PLPPR1: variants seen among roughly 807,000 people sequenced by gnomAD.
PLPPR1 encodes phospholipid phosphatase related 1.
Under a neutral mutation model 33.1 loss-of-function variants are expected in PLPPR1, and 10 were observed. The observed-to-expected ratio is 0.30, with a 90% CI of 0.19 to 0.51. The LOEUF is 0.51. Ranked by LOEUF, PLPPR1 falls within the 20% of genes least tolerant of loss-of-function variation. The pLI, the probability that PLPPR1 is intolerant of heterozygous loss-of-function variation, is 0.97. For synonymous variants in PLPPR1, 151 were observed against 151.0 expected, an observed-to-expected ratio of 1.00 and a Z score of 0.00; for missense variants, 304 against 408.1, an observed-to-expected ratio of 0.74 and a Z score of 2.20.
At chr9:101,268,617 A>G (rs1268283758) in intron 2 of PLPPR1, among the ~76,000 whole-genome samples, 1 of 152,172 alleles carries the variant, frequency 6.6e-6, no homozygotes, top group African/African-American at 2.4e-5. Context: ...TGGCTTTCAC[A>G]CTAACCAGCT....
Position 101,304,174 on chromosome 9 carries a change from C to T in PLPPR1, c.386-5037C>T, listed in dbSNP as rs1588119169. Reference sequence around the variant, plus strand: ...TCTAGTTGCCTAGCACTATGCCCGACTTTGTGAATTTTATAAAAAGGAGAT... The same window carrying T: ...TCTAGTTGCCTAGCACTATGCCCGATTTTGTGAATTTTATAAAAAGGAGAT... On this transcript the variant is annotated intron_variant, in intron 4 of 7. Coordinates refer to ENST00000374874, the MANE Select transcript of PLPPR1 (RefSeq NM_207299.2). Among the ~76,000 whole-genome samples the T allele has an allele frequency of 2.0e-5, 3 of 152,282 alleles. No homozygotes were observed. In the Middle Eastern group the frequency reaches 0.01, roughly 518 times the overall value.
chr9:101,176,932 T>C (rs572821021), intron 1 of PLPPR1, among the ~76,000 whole-genome samples: 1 of 152,302 alleles, frequency 6.6e-6, no homozygotes, highest in Non-Finnish European at 1.5e-5. Flanking sequence ...AGAACAGCCA[T>C]CATGCAAATG....
chr9:101,159,459 T>G (rs532474803), intron 1 of PLPPR1, among the ~76,000 whole-genome samples: 1 of 152,218 alleles, frequency 6.6e-6, no homozygotes, highest in African/African-American at 2.4e-5. Flanking sequence ...TTAATCTACT[T>G]ACTAAATATC....
At chr9:101,081,914 C>T (rs1830624009) in intron 1 of PLPPR1, among the ~76,000 whole-genome samples, 1 of 152,192 alleles carries the variant, frequency 6.6e-6, no homozygotes, top group South Asian at 2.1e-4. Context: ...TAAGGCACAA[C>T]AATTGGTGCA....
At chr9:101,040,512 G>C (rs1461964607) in intron 1 of PLPPR1, among the ~76,000 whole-genome samples, 1 of 152,134 alleles carries the variant, frequency 6.6e-6, no homozygotes, top group African/African-American at 2.4e-5. Context: ...AGGATCCTGA[G>C]AGTTGTTCAT....
chr9:101,104,572 G>C (rs2118560171), intron 1 of PLPPR1, among the ~76,000 whole-genome samples: 1 of 133,812 alleles, frequency 7.5e-6, no homozygotes, highest in African/African-American at 3.0e-5. Context: ...GAGGATTTTT[G>C]CATCAATGTT....
chr9:101,284,773 C>G (rs1404665492), intron 3 of PLPPR1, among the ~76,000 whole-genome samples: 1 of 152,068 alleles, frequency 6.6e-6, no homozygotes, highest in East Asian at 1.9e-4. Context: ...ACAGACATTC[C>G]AGCATGACAG....
chr9:101,164,823 C>T (rs1318922673), intron 1 of PLPPR1, among the ~76,000 whole-genome samples: 2 of 152,122 alleles, frequency 1.3e-5, no homozygotes, highest in African/African-American at 2.4e-5. Context: ...AATTTTAGCA[C>T]AAGAACCAGG....
intron 2 of PLPPR1, among the ~76,000 whole-genome samples, chr9:101,223,365 G>C (rs1262303887): frequency 2.0e-5 from 3 of 151,266 alleles, no homozygotes; most frequent in African/African-American, 4.9e-5. Context: ...TGGGGAAATC[G>C]TGCTATATTT....
chr9:101,146,453 C>T (rs898610698), intron 1 of PLPPR1, among the ~76,000 whole-genome samples: 4 of 152,122 alleles, frequency 2.6e-5, no homozygotes, highest in African/African-American at 9.7e-5. Flanking sequence ...ACCAGCCAGT[C>T]TAATTTAAGA....
intron 4 of PLPPR1, among the ~76,000 whole-genome samples, chr9:101,293,285 C>G (rs979973911): frequency 0.098 from 14,654 of 149,586 alleles, 1,657 homozygotes; most frequent in African/African-American, 0.28. Context: ...CAATACAGGA[C>G]CACCCAGATT....
chr9:101,173,075 A>G (rs1825968298), intron 1 of PLPPR1, among the ~76,000 whole-genome samples: 1 of 152,112 alleles, frequency 6.6e-6, no homozygotes, highest in African/African-American at 2.4e-5. Context: ...AATCCCTAGG[A>G]TAACAAACCC....
chr9:101,160,002 G>A (rs149994726), intron 1 of PLPPR1, among the ~76,000 whole-genome samples: 2 of 152,262 alleles, frequency 1.3e-5, no homozygotes, highest in East Asian at 3.9e-4. Flanking sequence ...AAAATTTGAT[G>A]GCAGTGATAG....
intron 2 of PLPPR1, among the ~76,000 whole-genome samples, chr9:101,268,549 T>G (rs1384437865): frequency 6.6e-6 from 1 of 152,204 alleles, no homozygotes; most frequent in Admixed American, 6.5e-5. Flanking sequence ...TTTTAGATCC[T>G]GATACAGCTC....
chr9:101,080,597 A>C (rs1480275018), intron 1 of PLPPR1, among the ~76,000 whole-genome samples: 1 of 152,150 alleles, frequency 6.6e-6, no homozygotes, highest in East Asian at 1.9e-4. Context: ...CAAACAACAA[A>C]AATACTGATA....
intron 2 of PLPPR1, among the ~76,000 whole-genome samples, chr9:101,224,235 TTTG>T (rs1343341294): frequency 6.6e-6 from 1 of 152,206 alleles, no homozygotes; most frequent in Non-Finnish European, 1.5e-5. Context: ...GGTCTTTGCT[TTTG>T]TTGATGATTA....
chr9:101,100,204 G>A (rs2118551237), intron 1 of PLPPR1, among the ~76,000 whole-genome samples: 1 of 152,142 alleles, frequency 6.6e-6, no homozygotes, highest in East Asian at 1.9e-4. Context: ...CAGCAAAGTA[G>A]AAAGATAAAA....
At chr9:101,116,666 C>T (rs1395322831) in intron 1 of PLPPR1, among the ~76,000 whole-genome samples, 1 of 151,936 alleles carries the variant, frequency 6.6e-6, no homozygotes, top group African/African-American at 2.4e-5. Context: ...TACAAAAAAG[C>T]TGGGTGTGGT....
chr9:101,053,765 C>T lies in PLPPR1; in HGVS notation c.-46+24663C>T, dbSNP rs1164390308. ...GGAAAGATGCATCTTGAAGGATAGT[C>T]TGGGGCTTGATCATAAATGGCCTTG... On this transcript the variant is annotated intron_variant, in intron 1 of 7. Coordinates refer to ENST00000374874, the MANE Select transcript of PLPPR1 (RefSeq NM_207299.2). Among the ~76,000 whole-genome samples the T allele has an allele frequency of 2.0e-5, 3 of 152,184 alleles. No homozygotes were observed. In the East Asian group the frequency reaches 5.8e-4, roughly 29 times the overall value.
Sources: gnomAD v4.1 joint callset for allele counts (sites outside exome capture counted in the v4.1 genomes callset) on GRCh38, gnomAD v4.1.1 for gene constraint, MANE v1.5 for transcripts, NCBI Gene and HGNC (gene_info 2026-07-23, HGNC 2026-07-21) for gene names.